CRY1: variants seen among roughly 807,000 people sequenced by gnomAD.
The protein encoded by CRY1 is cryptochrome circadian regulator 1, also known as cryptochrome-1.
Under a neutral mutation model 76.0 loss-of-function variants are expected in CRY1, and 45 were observed. The ratio of observed to expected loss-of-function variants is 0.59; its 90% CI spans 0.47 to 0.76. The LOEUF is 0.76. CRY1 is among the 30% of genes least tolerant of loss of function. The probability of loss-of-function intolerance (pLI) is 0.00; values close to 1 mark genes in which losing one functional copy is unlikely to be tolerated. For missense variants in CRY1, 587 were observed against 716.4 expected (o/e 0.82, Z 2.06); for synonymous variants, 248 against 244.0 (o/e 1.02, Z -0.15).
At chr12:107,048,855 T>G (rs1246429809) in intron 1 of CRY1, among the ~76,000 whole-genome samples, 1 of 152,198 alleles carries the variant, frequency 6.6e-6, no homozygotes, top group East Asian at 1.9e-4. Context: ...AATTGATAAG[T>G]CTAATGTGGA....
At chr12:107,026,126 TATA>T (rs1373540302) in intron 1 of CRY1, among the ~76,000 whole-genome samples, 14 of 23,626 alleles carry the variant, frequency 5.9e-4, no homozygotes, top group Non-Finnish European at 9.5e-4. Context: ...ATATATTATA[TATA>T]ATTACATATA....
intron 2 of CRY1, among the ~76,000 whole-genome samples, chr12:107,008,608 T>C (rs1025767735): frequency 6.6e-6 from 1 of 152,198 alleles, no homozygotes; most frequent in Non-Finnish European, 1.5e-5. Flanking sequence ...GCATTCAGTG[T>C]TTCACCTTTA....
At chr12:107,009,068 C>A (rs1194399007) in intron 2 of CRY1, among the ~76,000 whole-genome samples, 1 of 152,268 alleles carries the variant, frequency 6.6e-6, no homozygotes, top group East Asian at 1.9e-4. Flanking sequence ...AGCTAAAAGA[C>A]CTTTTTAAAA....
chr12:107,045,237 GA>G lies in CRY1; in HGVS notation c.159-23046del, dbSNP rs199733858. Among the ~76,000 whole-genome samples, 23 of 148,236 alleles carry G rather than the reference GA, an allele frequency of 1.6e-4. 1 individual carries two copies. The highest frequency in any genetic ancestry group is 5.4e-4 in the Admixed American group (8 of 14,920). ...GGATGATCTATTCAAAGTGCTAAGAGAAAAAAAAAATGCCACCAAAAATACC... is the reference window on the plus strand; with the variant it reads ...GGATGATCTATTCAAAGTGCTAAGAGAAAAAAAAATGCCACCAAAAATACC... On this transcript the variant is annotated intron_variant, in intron 1 of 12. Coordinates refer to ENST00000008527, the MANE Select transcript of CRY1 (RefSeq NM_004075.5).
intron 1 of CRY1, among the ~76,000 whole-genome samples, chr12:107,052,848 C>T (rs979745031): frequency 6.6e-6 from 1 of 152,190 alleles, no homozygotes; most frequent in Non-Finnish European, 1.5e-5. Flanking sequence ...TTATCAAGTT[C>T]CAGTTCACAT....
chr12:107,069,535 T>C (rs1453293025), intron 1 of CRY1, among the ~76,000 whole-genome samples: 2 of 142,356 alleles, frequency 1.4e-5, no homozygotes, highest in African/African-American at 5.2e-5. Context: ...GTTATATATA[T>C]ATTATATATA....
chr12:107,089,698 G>A (rs1269316409), intron 1 of CRY1, among the ~76,000 whole-genome samples: 1 of 152,164 alleles, frequency 6.6e-6, no homozygotes, highest in Non-Finnish European at 1.5e-5. Flanking sequence ...TTTCCCCCTG[G>A]AGTTGAAATC....
chr12:107,090,077 CTTTCTTTTTTTTCTT>C (rs1427162426), intron 1 of CRY1, among the ~76,000 whole-genome samples: 18 of 151,712 alleles, frequency 1.2e-4, no homozygotes, highest in Non-Finnish European at 4.4e-5. Context: ...TATTTTCCTT[CTTTCTTTTTTTTCTT>C]TTTCTTTTTT....
intron 1 of CRY1, among the ~76,000 whole-genome samples, chr12:107,088,221 G>A (rs925313906): frequency 2.6e-5 from 4 of 152,166 alleles, no homozygotes; most frequent in South Asian, 2.1e-4. Context: ...GTGCTATCAC[G>A]TAATGAGTGA....
At chr12:107,012,144 C>T (rs10861694) in intron 2 of CRY1, among the ~76,000 whole-genome samples, 71,390 of 152,042 alleles carry the variant, frequency 0.47, 18,750 homozygotes, top group East Asian at 0.72. Context: ...GAGCCAAGAT[C>T]GTGCCACTGC....
chr12:107,043,026 T>G (rs1045637872), intron 1 of CRY1: 1 of 152,160 alleles, frequency 6.6e-6, no homozygotes, highest in Non-Finnish European at 1.5e-5. Context: ...ACAGGGCTAC[T>G]ACGCTATGCC....
chr12:107,013,113 C>T (rs879868686), intron 2 of CRY1, among the ~76,000 whole-genome samples: 1 of 152,222 alleles, frequency 6.6e-6, no homozygotes, highest in Non-Finnish European at 1.5e-5. Context: ...AGAGGACTGA[C>T]TCCAATTTTT....
At chr12:107,009,143 TC>T (rs1952408275) in intron 2 of CRY1, among the ~76,000 whole-genome samples, 1 of 152,204 alleles carries the variant, frequency 6.6e-6, no homozygotes, top group Non-Finnish European at 1.5e-5. Flanking sequence ...ATTTCTCTTT[TC>T]CTTTATCCTA....
intron 1 of CRY1, among the ~76,000 whole-genome samples, chr12:107,061,381 T>C (rs926555263): frequency 6.6e-6 from 1 of 151,970 alleles, no homozygotes; most frequent in African/African-American, 2.4e-5. Context: ...ACAGTCTTTT[T>C]TTTTTTTTTA....
intron 1 of CRY1, among the ~76,000 whole-genome samples, chr12:107,038,078 G>C (rs1272145265): frequency 6.6e-6 from 1 of 152,170 alleles, no homozygotes; most frequent in Non-Finnish European, 1.5e-5. Context: ...AGAAAGGGCA[G>C]GCACAGGAAA....
chr12:107,046,625 G>A (rs1377538695), intron 1 of CRY1, among the ~76,000 whole-genome samples: 1 of 152,130 alleles, frequency 6.6e-6, no homozygotes, highest in Non-Finnish European at 1.5e-5. Context: ...TGATCCAATT[G>A]TATTCTGCCA....
chr12:107,045,096 G>C (rs1047370085), intron 1 of CRY1, among the ~76,000 whole-genome samples: 5 of 152,024 alleles, frequency 3.3e-5, no homozygotes, highest in Admixed American at 2.6e-4. Context: ...AAAAGTTAAA[G>C]ACAAAGAGAG....
intron 1 of CRY1, among the ~76,000 whole-genome samples, chr12:107,023,953 G>A (rs1296593017): frequency 2.6e-5 from 4 of 152,178 alleles, no homozygotes; most frequent in Non-Finnish European, 4.4e-5. Flanking sequence ...GGTGACAAAT[G>A]TTTATTGGGA....
chr12:107,020,186 CAAAAA>C (rs5800723), intron 2 of CRY1, among the ~76,000 whole-genome samples: 1 of 134,810 alleles, frequency 7.4e-6, no homozygotes, highest in Non-Finnish European at 1.6e-5. Flanking sequence ...TTCATACAAG[CAAAAA>C]AAAAAAAAAA....
Sources: gnomAD v4.1 joint callset for allele counts (sites outside exome capture counted in the v4.1 genomes callset) on GRCh38, gnomAD v4.1.1 for gene constraint, MANE v1.5 for transcripts, NCBI Gene and HGNC (gene_info 2026-07-23, HGNC 2026-07-21) for gene names.